The following SMTNL2 variants were observed in gnomAD, a reference collection of about 807,000 sequenced individuals.
SMTNL2 encodes smoothelin-like protein 2.
A neutral mutation model predicts 44.1 loss-of-function variants in SMTNL2; 43 were observed. That is an observed-to-expected ratio of 0.98 (90% CI 0.76 to 1.26). The LOEUF (loss-of-function observed/expected upper bound fraction) is 1.26, where lower values mean the gene tolerates loss of function less well. Among genes scored for constraint, SMTNL2 ranks in the 50% most tolerant of loss-of-function variants. The pLI, the probability that SMTNL2 is intolerant of heterozygous loss-of-function variation, is 0.00. For missense variants in SMTNL2, 646 were observed against 670.2 expected (o/e 0.96, Z 0.40); for synonymous variants, 317 against 287.6 (o/e 1.10, Z -1.03).
intron 7 of SMTNL2, among the ~76,000 whole-genome samples, chr17:4,605,413 G>C (rs933588944): frequency 1.3e-5 from 2 of 151,858 alleles, no homozygotes; most frequent in Non-Finnish European, 2.9e-5. Flanking sequence ...CTCCTGCCTC[G>C]GCCTTCCAAA....
At chr17:4,594,756 G>A (rs568061439) in intron 4 of SMTNL2, among the ~76,000 whole-genome samples, 4 of 151,768 alleles carry the variant, frequency 2.6e-5, no homozygotes, top group African/African-American at 9.7e-5. Context: ...TGACTTTCTG[G>A]CAAACCGTTC....
upstream of SMTNL2, among the ~76,000 whole-genome samples, chr17:4,584,324 G>A (rs575477822): frequency 6.6e-6 from 1 of 152,222 alleles, no homozygotes; most frequent in East Asian, 1.9e-4. Context: ...CGCCCCTCCC[G>A]CAGGCCGCAC....
chr17:4,594,991 A>G, intron 4 of SMTNL2, 154 bp from the exon 5 acceptor site: 1 of 1,006,048 alleles, frequency 9.9e-7, no homozygotes, highest in African/African-American at 1.6e-5. Context: ...AACCTGTCAA[A>G]CCAGCTAGGG....
At chr17:4,585,178 G>T (rs1239884681) in intron 1 of SMTNL2, among the ~76,000 whole-genome samples, 174 bp downstream of exon 1, 1 of 152,256 alleles carries the variant, frequency 6.6e-6, no homozygotes, top group East Asian at 1.9e-4. Flanking sequence ...AGAGGGCGGG[G>T]GGAGGACCGC....
chr17:4,590,214 G>A (rs569686138), intron 1 of SMTNL2, among the ~76,000 whole-genome samples: 24 of 151,846 alleles, frequency 1.6e-4, no homozygotes, highest in Non-Finnish European at 3.2e-4. Flanking sequence ...TGATCCACCC[G>A]CCTCGGCCTC....
At position 4,596,848 on chromosome 17, in the gene SMTNL2, G is replaced by A. The variant is rs1273391024; in HGVS notation, c.990-12G>A. 12 of 1,441,568 alleles carry A rather than the reference G, an allele frequency of 8.3e-6. No individual in the cohort carries two copies. The highest frequency in any genetic ancestry group is 4.3e-5 in the African/African-American group (3 of 69,610). The allele number at this position is 1,441,568 out of a possible 1,614,324, so 89.3% of individuals were successfully genotyped here. On this transcript the variant is annotated splice_polypyrimidine_tract_variant and intron_variant, in intron 5 of 7. Coordinates refer to ENST00000389313, the MANE Select transcript of SMTNL2 (RefSeq NM_001114974.2). ...GAGGGGCCCCCGCAGCAGGCCTGCC[G>A]TCTCTCCGCAGGGGGAAAGGCGAGG...
chr17:4,607,920 G>A lies in SMTNL2; in HGVS notation c.*433G>A, dbSNP rs1005659323. The A allele has an allele frequency of 6.5e-6, 1 of 153,508 alleles. No individual in the cohort carries two copies. The highest frequency in any genetic ancestry group is 1.4e-5 in the Non-Finnish European group (1 of 68,972). The allele number at this position is 153,508 out of a possible 1,614,324, so 9.5% of individuals were successfully genotyped here. ...TTTTTACTTCCTCACGCGATTGTAG[G>A]TTCCTCTCCTCCCTCCCTCTGGGCC... On this transcript the variant is annotated 3_prime_UTR_variant, in exon 8 of 8. Coordinates refer to ENST00000389313, the MANE Select transcript of SMTNL2 (RefSeq NM_001114974.2). This position sits in a 1 kb window ranked among gnomAD's most constrained non-coding sequence, Gnocchi z 4.7.
chr17:4,597,053 C>T (rs1198510074), intron 6 of SMTNL2, 76 bp downstream of exon 6: 3 of 1,490,888 alleles, frequency 2.0e-6, no homozygotes, highest in African/African-American at 2.8e-5. Context: ...TGTCCTTGTT[C>T]TCCCGCCTGG....
rs537130930 is a variant in SMTNL2 at position 4,604,219 on chromosome 17, C to G, written c.1260-3142C>G. 4.1e-4 allele frequency among the ~76,000 whole-genome samples: 63 copies of G among 152,338 alleles called. 3 individuals are homozygous for G. The South Asian group carries it at 0.012, about 28-fold the overall frequency. ...CCTGCTCGCATCAGAGGGCCAGCTT[C>G]CCTGACATCGAGCCCTGCCCTGGCC... On this transcript the variant is annotated intron_variant, in intron 7 of 7. Transcript: ENST00000389313.
Position 4,607,497 on chromosome 17 carries a change from G to T in SMTNL2, c.*10G>T, listed in dbSNP as rs1910328971. 5.6e-6 allele frequency: 9 copies of T among 1,613,254 alleles called. No individual in the cohort carries two copies. Among genetic ancestry groups the T allele is most frequent in the Non-Finnish European group, 7.6e-6 (9 of 1,179,414 alleles). On this transcript the variant is annotated 3_prime_UTR_variant, in exon 8 of 8. Transcript: ENST00000389313. This position sits in a 1 kb window ranked among gnomAD's most constrained non-coding sequence, Gnocchi z 4.7. ...GCGTCGCTTCGAGTAAAGCCCCTGA[G>T]CCTGGATTGCCAAAGAGCAGCCCCA...
chr17:4,593,189 T>C lies in SMTNL2; in HGVS notation c.730+18T>C. 6.4e-7 allele frequency: 1 copy of C among 1,567,394 alleles called. No homozygotes were observed. The highest frequency in any genetic ancestry group is 8.7e-7 in the Non-Finnish European group (1 of 1,150,646). ...TCCTAGCGGTATGAGCTGGAGAGCG[T>C]GGCCTTGGGGCAGACCTCCCCTTGG... On this transcript the variant is annotated intron_variant, in intron 3 of 7. Transcript: ENST00000389313.
chr17:4,589,938 C>CTTTTTTTTTTTTTTTT (rs780984262), intron 1 of SMTNL2, among the ~76,000 whole-genome samples: 3 of 59,792 alleles, frequency 5.0e-5, no homozygotes, highest in African/African-American at 7.0e-5. Context: ...ACGCACCTGG[C>CTTTTTTTTTTTTTTTT]TTTTTTTTTT....
In SMTNL2 at chr17:4,607,109, A is replaced by G. The variant is rs1324437134; in HGVS notation, c.1260-252A>G. Among the ~76,000 whole-genome samples the G allele has an allele frequency of 6.6e-6, 1 of 152,126 alleles. No homozygotes were observed. The highest frequency in any genetic ancestry group is 1.5e-5 in the Non-Finnish European group (1 of 68,014). ...CTAAAAAAAAAACCCAAATTAAATA[A>G]AGTAAGTCTGTTTAAATGAAAACAT... On this transcript the variant is annotated intron_variant, in intron 7 of 7. Transcript: ENST00000389313. This position sits in a 1 kb window ranked among gnomAD's most constrained non-coding sequence, Gnocchi z 4.7.
intron 4 of SMTNL2, 151 bp downstream of exon 4, chr17:4,594,048 G>A: frequency 2.7e-6 from 2 of 734,936 alleles, no homozygotes; most frequent in Non-Finnish European, 4.6e-6. Flanking sequence ...AGGATGGGGG[G>A]AAGGTCTGAG....
Position 4,595,305 on chromosome 17 carries a change from G to T in SMTNL2, c.967G>T (p.Glu323Ter). The stretch of plus-strand genomic sequence containing the variant: ...CCGGAAAGCATTGTTTGAGAAGTGG[G>T]AGCAGGAAACGGCGGCCGGCAAGTA... ...QARKALFEKW[E>*]QETAAGKGKG... is the part of the protein sequence containing the mutation. The change falls in exon 5 of 8, where the codon GAG becomes TAG. Residue 323 changes from glutamate to a stop codon, truncating the protein, a stop_gained. Coordinates refer to ENST00000389313, the MANE Select transcript of SMTNL2 (RefSeq NM_001114974.2). LOFTEE classifies it high-confidence loss of function. This position sits in a 1 kb window ranked among gnomAD's most constrained non-coding sequence, Gnocchi z 5.1. 6.2e-7 allele frequency: 1 copy of T among 1,612,758 alleles called. No individual in the cohort carries two copies. Among genetic ancestry groups the T allele is most frequent in the Non-Finnish European group, 8.5e-7 (1 of 1,179,506 alleles).
At position 4,584,783 on chromosome 17, in the gene SMTNL2, G is replaced by T; in HGVS notation, c.178G>T (p.Val60Leu). 7.6e-7 allele frequency: 1 copy of T among 1,317,486 alleles called. No individual in the cohort carries two copies. Among genetic ancestry groups the T allele is most frequent in the Non-Finnish European group, 9.6e-7 (1 of 1,036,866 alleles). The allele number at this position is 1,317,486 out of a possible 1,614,324, so 81.6% of individuals were successfully genotyped here. ...MRLAGPLARTVADLQRDNQRL... is the reference protein window; with the variant it reads ...MRLAGPLARTLADLQRDNQRL... ...CCTGGCCGGCCCCCTGGCGCGCACGGTGGCCGACCTGCAGCGGGACAACCA... is the reference window on the plus strand; with the variant it reads ...CCTGGCCGGCCCCCTGGCGCGCACGTTGGCCGACCTGCAGCGGGACAACCA... The change falls in exon 1 of 8, where the codon GTG (valine) becomes TTG (leucine). Residue 60 changes from valine (V) to leucine (L), a missense_variant. By Grantham distance (32) the Val-to-Leu change is conservative (BLOSUM62 1). Transcript: ENST00000389313.
Position 4,592,432 on chromosome 17 carries a change from G to A in SMTNL2, c.471G>A (p.Gly157=). The A allele has an allele frequency of 3.1e-6, 5 of 1,613,224 alleles. No individual in the cohort carries two copies. The highest frequency in any genetic ancestry group is 3.4e-6 in the Non-Finnish European group (4 of 1,179,842). Residue 157 remains glycine, a synonymous_variant, in exon 2 of 8, where the codon GGG becomes GGA. Coordinates refer to ENST00000389313, the MANE Select transcript of SMTNL2 (RefSeq NM_001114974.2). This position sits in a 1 kb window ranked among gnomAD's most constrained non-coding sequence, Gnocchi z 4.5. ...KTSNSCIMEN[G]HQPGAGPGDG... is the part of the protein sequence containing the mutation. Reference sequence around the variant, plus strand: ...CAAACTCCTGCATCATGGAAAATGGGCACCAGCCGGGGGCAGGTAGGGCTG... The same window carrying A: ...CAAACTCCTGCATCATGGAAAATGGACACCAGCCGGGGGCAGGTAGGGCTG...
rs1018573226 is a variant in SMTNL2 at position 4,607,692 on chromosome 17, C to G, written c.*205C>G. On this transcript the variant is annotated 3_prime_UTR_variant, in exon 8 of 8. Coordinates refer to ENST00000389313, the MANE Select transcript of SMTNL2 (RefSeq NM_001114974.2). This position sits in a 1 kb window ranked among gnomAD's most constrained non-coding sequence, Gnocchi z 4.7. ...TGAGCTGTGGTCCGACAGCACTGAT[C>G]ACAGCCAAGGGCTTGGAGGAAAAGG... 2.7e-6 allele frequency: 2 copies of G among 731,078 alleles called. No individual in the cohort carries two copies. Among genetic ancestry groups the G allele is most frequent in the Non-Finnish European group, 4.1e-6 (2 of 485,504 alleles). 45.3% of individuals were successfully genotyped at this position (731,078 alleles called of 1,614,324 possible). A position where few individuals can be genotyped will look rare whatever the true frequency, so the allele number is the denominator to read the frequency against.
Position 4,595,333 on chromosome 17 carries a change from G to T in SMTNL2, c.989+6G>T. 1 of 1,611,356 alleles carries T rather than the reference G, an allele frequency of 6.2e-7. No homozygotes were observed. Among genetic ancestry groups the T allele is most frequent in the Non-Finnish European group, 8.5e-7 (1 of 1,178,768 alleles). The stretch of plus-strand genomic sequence containing the variant: ...CAGGAAACGGCGGCCGGCAAGTACG[G>T]ATGCCCACTCACAGACAGGCCCGGC... On this transcript the variant is annotated splice_donor_region_variant and intron_variant, in intron 5 of 7. Coordinates refer to ENST00000389313, the MANE Select transcript of SMTNL2 (RefSeq NM_001114974.2). This position sits in a 1 kb window ranked among gnomAD's most constrained non-coding sequence, Gnocchi z 5.1.
Sources: gnomAD v4.1 joint callset for allele counts (sites outside exome capture counted in the v4.1 genomes callset) on GRCh38, gnomAD v4.1.1 for gene constraint, Gnocchi (gnomAD v3.1) non-coding constraint, MANE v1.5 for transcripts, NCBI Gene and HGNC (gene_info 2026-07-23, HGNC 2026-07-21) for gene names.